SLC39A11: variants seen among roughly 807,000 people sequenced by gnomAD.
SLC39A11 encodes the protein solute carrier family 39 member 11.
A neutral mutation model predicts 36.1 loss-of-function variants in SLC39A11; 33 were observed. That is an observed-to-expected ratio of 0.91 (90% CI 0.69 to 1.22). The LOEUF (loss-of-function observed/expected upper bound fraction) is 1.22, where lower values mean the gene tolerates loss of function less well. SLC39A11 is among the 50% of genes most tolerant of loss of function. The pLI is 0.00. For missense variants in SLC39A11, 432 were observed against 430.3 expected (o/e 1.00, Z -0.03); for synonymous variants, 166 against 170.3 (o/e 0.97, Z 0.20).
rs938633418 is a variant in SLC39A11 at position 73,082,306 on chromosome 17, A to G, written c.147+2502T>C. Among the ~76,000 whole-genome samples the G allele has an allele frequency of 6.6e-5, 10 of 151,906 alleles. 1 individual carries two copies. The highest frequency in any genetic ancestry group is 6.6e-4 in the Admixed American group (10 of 15,252). On this transcript the variant is annotated intron_variant, in intron 3 of 9. Coordinates refer to ENST00000255559, the MANE Select transcript of SLC39A11 (RefSeq NM_139177.4). ...AAGAATAAATAATATATAAGAAACC[A>G]TTTTATAATTATTAAACATTACAAA...
intron 5 of SLC39A11, among the ~76,000 whole-genome samples, chr17:72,890,002 G>C (rs2081640294): frequency 6.6e-6 from 1 of 152,084 alleles, no homozygotes; most frequent in South Asian, 2.1e-4. Flanking sequence ...GCTCACACCT[G>C]TAATCCCAGC....
intron 4 of SLC39A11, among the ~76,000 whole-genome samples, chr17:73,018,938 A>G (rs1047714145): frequency 6.6e-6 from 1 of 152,182 alleles, no homozygotes; most frequent in Non-Finnish European, 1.5e-5. Context: ...AAGTCTTAGG[A>G]GCAGCCATAG....
intron 4 of SLC39A11, among the ~76,000 whole-genome samples, chr17:73,027,345 C>A (rs985462223): frequency 3.3e-5 from 5 of 152,232 alleles, no homozygotes; most frequent in African/African-American, 1.2e-4. Context: ...TCCTCCCAGG[C>A]CCAGTAGGCT....
chr17:73,020,922 C>T (rs1195051016), intron 4 of SLC39A11, among the ~76,000 whole-genome samples: 1 of 152,072 alleles, frequency 6.6e-6, no homozygotes, highest in Admixed American at 6.6e-5. Context: ...ACCTTGTGAT[C>T]TACCTGCCTT....
At chr17:72,936,511 G>T (rs1257695650) in intron 5 of SLC39A11, among the ~76,000 whole-genome samples, 1 of 150,480 alleles carries the variant, frequency 6.6e-6, no homozygotes, top group Non-Finnish European at 1.5e-5. Flanking sequence ...TGGAAGGCAA[G>T]TCTTGGCCGG....
At chr17:72,851,705 G>C (rs983277139) in intron 5 of SLC39A11, among the ~76,000 whole-genome samples, 14 of 152,132 alleles carry the variant, frequency 9.2e-5, no homozygotes, top group African/African-American at 3.1e-4. Flanking sequence ...GCCAACCAGA[G>C]GCAGCCAACT....
chr17:72,951,933 C>T (rs1237304794), intron 4 of SLC39A11, among the ~76,000 whole-genome samples: 1 of 152,130 alleles, frequency 6.6e-6, no homozygotes, highest in Non-Finnish European at 1.5e-5. Flanking sequence ...CTGTGGGTTG[C>T]ATTGCTTTAT....
intron 5 of SLC39A11, among the ~76,000 whole-genome samples, chr17:72,868,617 A>AT (rs1226768976): frequency 9.2e-5 from 8 of 86,838 alleles, no homozygotes; most frequent in African/African-American, 4.1e-4. Flanking sequence ...CCCTGTCTCT[A>AT]CAAAAAAAAA....
chr17:72,665,199 C>T (rs548784888), intron 7 of SLC39A11, among the ~76,000 whole-genome samples: 10 of 152,198 alleles, frequency 6.6e-5, no homozygotes, highest in South Asian at 6.2e-4. Flanking sequence ...CATGGGAGTG[C>T]GCCATCTTGG....
At chr17:72,969,667 A>C (rs1306802222) in intron 4 of SLC39A11, among the ~76,000 whole-genome samples, 1 of 152,106 alleles carries the variant, frequency 6.6e-6, no homozygotes, top group African/African-American at 2.4e-5. Flanking sequence ...TATGTATATA[A>C]ATTTTCAAAA....
At chr17:72,777,861 GTATGTATA>G (rs991286480) in intron 6 of SLC39A11, among the ~76,000 whole-genome samples, 13 of 95,060 alleles carry the variant, frequency 1.4e-4, no homozygotes, top group South Asian at 3.7e-4. Flanking sequence ...ATGTATGTAT[GTATGTATA>G]TATGTATGTA....
chr17:72,849,137 G>T (rs2079180978), intron 6 of SLC39A11, among the ~76,000 whole-genome samples: 1 of 152,132 alleles, frequency 6.6e-6, no homozygotes, highest in African/African-American at 2.4e-5. Flanking sequence ...CATCATAAAG[G>T]TCTCATCCTC....
intron 7 of SLC39A11, among the ~76,000 whole-genome samples, chr17:72,733,070 G>A (rs548490915): frequency 6.6e-6 from 1 of 152,158 alleles, no homozygotes; most frequent in Non-Finnish European, 1.5e-5. Context: ...TTTAGGCTGG[G>A]CTGTTTCAGT....
At chr17:72,820,549 TG>T (rs1274297511) in intron 6 of SLC39A11, among the ~76,000 whole-genome samples, 1 of 150,832 alleles carries the variant, frequency 6.6e-6, no homozygotes, top group Non-Finnish European at 1.5e-5. Flanking sequence ...CATCCTACAC[TG>T]GGATTGCAGA....
At chr17:72,793,956 G>A (rs1207270530) in intron 6 of SLC39A11, among the ~76,000 whole-genome samples, 1 of 151,576 alleles carries the variant, frequency 6.6e-6, no homozygotes, top group Non-Finnish European at 1.5e-5. Flanking sequence ...AGTATACAGA[G>A]AAGAACAAAG....
At chr17:72,901,126 T>C (rs1194033624) in intron 5 of SLC39A11, among the ~76,000 whole-genome samples, 1 of 152,214 alleles carries the variant, frequency 6.6e-6, no homozygotes, top group African/African-American at 2.4e-5. Context: ...AGAGAAATAT[T>C]TCTCCTGGTA....
chr17:72,941,960 A>G (rs1316849874), intron 5 of SLC39A11, among the ~76,000 whole-genome samples: 3 of 151,914 alleles, frequency 2.0e-5, no homozygotes, highest in African/African-American at 7.2e-5. Flanking sequence ...AGCTCACTGC[A>G]GCCTCTGCCT....
At position 72,821,447 on chromosome 17, in the gene SLC39A11, G is replaced by A. The variant is rs1256016249; in HGVS notation, c.601+28187C>T. On this transcript the variant is annotated intron_variant, in intron 6 of 9. Transcript: ENST00000255559. ...ATTGAACTCAGGAGGCGGAGGTTGT[G>A]GTGAGCCAAGATTGTACCACTGCAC... is the stretch of plus-strand genomic sequence containing the variant. Among the ~76,000 whole-genome samples the A allele has an allele frequency of 5.0e-5, 7 of 140,664 alleles. 1 individual carries two copies. Among genetic ancestry groups the A allele is most frequent in the East Asian group, 2.2e-4 (1 of 4,582 alleles). 92.3% of individuals were successfully genotyped at this position (140,664 alleles called of 152,430 possible). A position where few individuals can be genotyped will look rare whatever the true frequency, so the allele number is the denominator to read the frequency against.
intron 5 of SLC39A11, among the ~76,000 whole-genome samples, chr17:72,894,540 C>T (rs1249591244): frequency 2.7e-5 from 4 of 148,692 alleles, no homozygotes; most frequent in Non-Finnish European, 4.5e-5. Flanking sequence ...TGTGGTGGCA[C>T]GCACCTGTAT....
Sources: gnomAD v4.1 joint callset for allele counts (sites outside exome capture counted in the v4.1 genomes callset) on GRCh38, gnomAD v4.1.1 for gene constraint, MANE v1.5 for transcripts, NCBI Gene and HGNC (gene_info 2026-07-23, HGNC 2026-07-21) for gene names.